ADGRG2: variants seen among roughly 807,000 people sequenced by gnomAD.
ADGRG2 encodes adhesion G protein-coupled receptor G2.
ADGRG2 carries 26 observed loss-of-function variants against 74.1 expected under a neutral mutation model. The observed-to-expected ratio is 0.35, with a 90% CI of 0.26 to 0.49. The LOEUF (loss-of-function observed/expected upper bound fraction) is 0.49. ADGRG2 is among the 20% of genes least tolerant of loss of function. The pLI is 0.99. For synonymous variants in ADGRG2, 296 were observed against 295.2 expected (o/e 1.00, Z -0.03); for missense variants, 619 against 763.1 (o/e 0.81, Z 2.22).
At chrX:19,029,030 A>G (rs1244332045) in intron 9 of ADGRG2, among the ~76,000 whole-genome samples, 2 of 111,954 alleles carry the variant, frequency 1.8e-5, no homozygotes, top group African/African-American at 6.5e-5. Context: ...TATTTGGACT[A>G]TGGCTGGTAG....
intron 1 of ADGRG2, among the ~76,000 whole-genome samples, chrX:19,083,170 A>ATTTTTTTT (rs58522004): frequency 3.6e-5 from 3 of 83,191 alleles, no homozygotes; most frequent in Non-Finnish European, 2.3e-5. Flanking sequence ...CACCCGGCTA[A>ATTTTTTTT]TTTTTTTTTT....
At chrX:19,121,279 C>A (rs2062604766) in intron 1 of ADGRG2, among the ~76,000 whole-genome samples, 1 of 111,462 alleles carries the variant, frequency 9.0e-6, no homozygotes, top group South Asian at 3.8e-4. Context: ...GCTTCTGTAC[C>A]CCATTGGGGG....
chrX:19,056,716 T>C (rs1209856513), intron 3 of ADGRG2, among the ~76,000 whole-genome samples: 1 of 112,250 alleles, frequency 8.9e-6, no homozygotes, highest in Non-Finnish European at 1.9e-5. Context: ...TGTCTTCTCC[T>C]CCTATTTTCT....
At chrX:19,044,811 T>C (rs1393845980) in intron 3 of ADGRG2, among the ~76,000 whole-genome samples, 1 of 111,811 alleles carries the variant, frequency 8.9e-6, no homozygotes, top group Admixed American at 9.6e-5. Context: ...AAAGAGAGAA[T>C]GTACATGGCA....
chrX:19,081,579 CTG>C (rs1349706421), intron 2 of ADGRG2, among the ~76,000 whole-genome samples: 8 of 112,010 alleles, frequency 7.1e-5, no homozygotes, highest in Non-Finnish European at 3.8e-5. Context: ...CATTTACTGG[CTG>C]TGTGACCCTG....
At position 18,990,922 on chromosome X, in the gene ADGRG2, C is replaced by T. The variant is rs766102915; in HGVS notation, c.2996G>A (p.Arg999His). 1.1e-5 allele frequency: 13 copies of T among 1,205,247 alleles called. 1 individual carries two copies. Among genetic ancestry groups the T allele is most frequent in the Admixed American group, 6.6e-5 (3 of 45,632 alleles). ...EKEDSCNGKG[R>H]MALRRTSKRG... ...CTTTGAAGTCCTTCTGAGAGCCATA[C>T]GGCCTTTCCCATTGCAGGAATCTTC... Residue 999 changes from arginine (R) to histidine (H), a missense_variant, in exon 29 of 29, where the codon CGT becomes CAT. Coordinates refer to ENST00000379869, the MANE Select transcript of ADGRG2 (RefSeq NM_001079858.3).
chrX:19,081,076 G>A (rs1213690272), intron 2 of ADGRG2, among the ~76,000 whole-genome samples: 1 of 110,721 alleles, frequency 9.0e-6, no homozygotes, highest in East Asian at 2.8e-4. Context: ...AGATTCATTG[G>A]TCATTGGCAT....
intron 11 of ADGRG2, among the ~76,000 whole-genome samples, chrX:19,025,788 G>A (rs1036488061): frequency 9.1e-6 from 1 of 109,726 alleles, no homozygotes; most frequent in Non-Finnish European, 1.9e-5. Context: ...CCAGCTACTC[G>A]GGAGGCTGAG....
intron 17 of ADGRG2, 142 bp downstream of exon 17, chrX:19,010,471 G>T: frequency 2.0e-6 from 1 of 508,060 alleles, no homozygotes; most frequent in Non-Finnish European, 3.3e-6. Context: ...CTCATTCTAA[G>T]CAGAATATAG....
chrX:19,094,804 A>G (rs1199516197), intron 1 of ADGRG2, among the ~76,000 whole-genome samples: 1 of 112,696 alleles, frequency 8.9e-6, no homozygotes, highest in Non-Finnish European at 1.9e-5. Context: ...GGTAGGGTGG[A>G]GGGAGCCAGA....
intron 3 of ADGRG2, among the ~76,000 whole-genome samples, chrX:19,049,455 T>TTTTTTTTGTTG (rs1328733136): frequency 6.6e-5 from 6 of 91,003 alleles, no homozygotes; most frequent in Non-Finnish European, 1.2e-4. Context: ...TTTTTTTTTT[T>TTTTTTTTGTTG]TTGTTGTTGT....
At chrX:19,049,045 C>T (rs1161092217) in intron 3 of ADGRG2, among the ~76,000 whole-genome samples, 1 of 112,013 alleles carries the variant, frequency 8.9e-6, no homozygotes, top group Non-Finnish European at 1.9e-5. Flanking sequence ...TCCCCTCACT[C>T]AGCCATCCTG....
chrX:19,051,423 C>A (rs2061320057), intron 3 of ADGRG2, among the ~76,000 whole-genome samples: 1 of 111,536 alleles, frequency 9.0e-6, no homozygotes, highest in African/African-American at 3.3e-5. Context: ...GGTTCCAAGT[C>A]CAAAGCCTTA....
intron 11 of ADGRG2, among the ~76,000 whole-genome samples, chrX:19,026,083 C>T (rs2060695300): frequency 8.9e-6 from 1 of 111,872 alleles, no homozygotes; most frequent in African/African-American, 3.3e-5. Context: ...ACTAGTTGAA[C>T]TTCTTAACCA....
intron 2 of ADGRG2, among the ~76,000 whole-genome samples, chrX:19,078,612 A>C (rs2061793062): frequency 9.0e-6 from 1 of 111,277 alleles, no homozygotes. Flanking sequence ...AATAAGAAAA[A>C]CACTGTATAT....
At chrX:19,061,983 T>C (rs185370398) in intron 3 of ADGRG2, among the ~76,000 whole-genome samples, 1 of 111,714 alleles carries the variant, frequency 9.0e-6, no homozygotes, top group Non-Finnish European at 1.9e-5. Flanking sequence ...AGTGGGCCCA[T>C]GGTCTATTCT....
intron 16 of ADGRG2, among the ~76,000 whole-genome samples, chrX:19,011,144 C>T (rs1378960748): frequency 8.9e-6 from 1 of 112,055 alleles, no homozygotes; most frequent in Non-Finnish European, 1.9e-5. Context: ...ACTCAGAAGG[C>T]CACATACTAA....
At chrX:19,053,357 G>A (rs766999808) in intron 3 of ADGRG2, among the ~76,000 whole-genome samples, 1 of 110,749 alleles carries the variant, frequency 9.0e-6, no homozygotes, top group Non-Finnish European at 1.9e-5. Flanking sequence ...TTGCGGGGCG[G>A]AGGGGGGGTC....
chrX:19,004,668 G>T, intron 23 of ADGRG2, 90 bp downstream of exon 23: 1 of 916,532 alleles, frequency 1.1e-6, no homozygotes, highest in Non-Finnish European at 1.5e-6. Flanking sequence ...ACAGGGTAAG[G>T]CAGGCCGAGG....
Sources: allele counts gnomAD v4.1 joint callset (sites outside exome capture counted in the v4.1 genomes callset), GRCh38; gene constraint gnomAD v4.1.1; transcripts MANE v1.5; gene names NCBI Gene and HGNC (gene_info 2026-07-23, HGNC 2026-07-21).